Variants in AK5 observed in about 807,000 individuals in gnomAD.
AK5 encodes the protein adenylate kinase isoenzyme 5.
Under a neutral mutation model 69.5 loss-of-function variants are expected in AK5, and 27 were observed. The ratio of observed to expected loss-of-function variants is 0.39; its 90% confidence interval spans 0.29 to 0.54. AK5 has a LOEUF of 0.54. Among genes scored for constraint, AK5 ranks in the 20% least tolerant of loss-of-function variants. The pLI, the probability that AK5 is intolerant of heterozygous loss-of-function variation, is 0.71. For synonymous variants in AK5, 260 were observed against 244.4 expected (o/e 1.06, Z -0.60); for missense variants, 531 against 700.4 (o/e 0.76, Z 2.73).
At chr1:77,422,906 G>A (rs1302369030) in intron 8 of AK5, among the ~76,000 whole-genome samples, 3 of 152,038 alleles carry the variant, frequency 2.0e-5, no homozygotes, top group African/African-American at 7.2e-5. Flanking sequence ...AGAAAATGGT[G>A]GTGACAACCC....
At chr1:77,496,426 G>T (rs868831851) in intron 10 of AK5, among the ~76,000 whole-genome samples, 66 of 152,326 alleles carry the variant, frequency 4.3e-4, no homozygotes, top group African/African-American at 1.5e-3. Flanking sequence ...TCCAACTTCA[G>T]ATGGAGCACT....
At chr1:77,447,121 T>C (rs1486379795) in intron 8 of AK5, among the ~76,000 whole-genome samples, 1 of 152,262 alleles carries the variant, frequency 6.6e-6, no homozygotes, top group Non-Finnish European at 1.5e-5. Flanking sequence ...ATAAAAATAC[T>C]TGCCACAGTT....
intron 6 of AK5, among the ~76,000 whole-genome samples, chr1:77,387,810 T>C (rs1164157946): frequency 6.6e-6 from 1 of 152,224 alleles, no homozygotes; most frequent in African/African-American, 2.4e-5. Context: ...TAACAGGACT[T>C]GGTATCTGAT....
chr1:77,311,613 T>C (rs1659966241), intron 5 of AK5, among the ~76,000 whole-genome samples: 1 of 152,296 alleles, frequency 6.6e-6, no homozygotes, highest in East Asian at 1.9e-4. Context: ...ATATTAAAGA[T>C]AAACACTCCA....
At chr1:77,544,588 C>A (rs1294556156) in intron 13 of AK5, among the ~76,000 whole-genome samples, 1 of 151,086 alleles carries the variant, frequency 6.6e-6, no homozygotes, top group Admixed American at 6.6e-5. Context: ...GATGGAGACA[C>A]ACACATTCGC....
chr1:77,407,758 G>A (rs907911179), intron 6 of AK5, among the ~76,000 whole-genome samples: 10 of 152,208 alleles, frequency 6.6e-5, no homozygotes, highest in African/African-American at 2.4e-4. Flanking sequence ...CCAATAGATA[G>A]TTTTTCAAAC....
At chr1:77,445,314 G>A (rs1403945777) in intron 8 of AK5, among the ~76,000 whole-genome samples, 1 of 152,084 alleles carries the variant, frequency 6.6e-6, no homozygotes, top group Non-Finnish European at 1.5e-5. Context: ...TCTGATAGTA[G>A]CAATCCTAAC....
At chr1:77,529,796 A>T (rs145409026) in intron 12 of AK5, among the ~76,000 whole-genome samples, 215 of 152,348 alleles carry the variant, frequency 1.4e-3, no homozygotes, top group Non-Finnish European at 2.7e-3. Context: ...AAGTCATATT[A>T]ATGGAAGTCA....
At position 77,435,576 on chromosome 1, in the gene AK5, A is replaced by G. The variant is rs571058359; in HGVS notation, c.1059+17861A>G. On this transcript the variant is annotated intron_variant, in intron 8 of 13. Transcript: ENST00000354567. ...GGCAGGAGAATCGTTTGAACCCGGA[A>G]GGCAGAAGTTGCAGTGAGCCAAGAT... Among the ~76,000 whole-genome samples the G allele has an allele frequency of 4.6e-5, 7 of 151,750 alleles. No individual in the cohort carries two copies. In the South Asian group the frequency reaches 1.5e-3, roughly 32 times the overall value.
chr1:77,488,909 C>A (rs200608444), intron 10 of AK5, among the ~76,000 whole-genome samples: 1 of 152,200 alleles, frequency 6.6e-6, no homozygotes, highest in Admixed American at 6.5e-5. Context: ...CAAGTCCACT[C>A]AGTATTAACC....
intron 5 of AK5, among the ~76,000 whole-genome samples, chr1:77,305,529 G>A (rs1053477307): frequency 3.9e-5 from 6 of 152,026 alleles, no homozygotes; most frequent in African/African-American, 1.4e-4. Flanking sequence ...GAGAGATAAG[G>A]GTCTAGTTTT....
intron 6 of AK5, among the ~76,000 whole-genome samples, chr1:77,377,630 C>T (rs1340861194): frequency 2.0e-5 from 3 of 152,186 alleles, no homozygotes; most frequent in African/African-American, 7.2e-5. Context: ...TGCTTAAAAT[C>T]CTTTAGTGCT....
At chr1:77,497,212 C>G (rs1437707344) in intron 10 of AK5, among the ~76,000 whole-genome samples, 1 of 152,188 alleles carries the variant, frequency 6.6e-6, no homozygotes, top group Non-Finnish European at 1.5e-5. Context: ...CTGTAACGCT[C>G]ACTGCGAAGG....
chr1:77,371,530 C>T (rs1390996867), intron 6 of AK5: 2 of 152,166 alleles, frequency 1.3e-5, no homozygotes, highest in Non-Finnish European at 2.9e-5. Flanking sequence ...TGGCCACCCA[C>T]CCCACAGGCA....
At chr1:77,350,040 A>G (rs1662114941) in intron 6 of AK5, among the ~76,000 whole-genome samples, 1 of 152,244 alleles carries the variant, frequency 6.6e-6, no homozygotes, top group Non-Finnish European at 1.5e-5. Flanking sequence ...ATGCCTGATC[A>G]TGACATTTTC....
rs149809827 is a variant in AK5, at chr1:77,430,058, G to A, written c.1059+12343G>A. ...AGAGTGTGTTGACATAATTATATTT[G>A]TGTTTATTTTTTAAAACATTTTTCT... On this transcript the variant is annotated intron_variant, in intron 8 of 13. Transcript: ENST00000354567. Among the ~76,000 whole-genome samples, 142 of 151,720 alleles carry A rather than the reference G, an allele frequency of 9.4e-4. 1 individual carries two copies. The highest frequency in any genetic ancestry group is 3.3e-3 in the African/African-American group (138 of 41,354).
At chr1:77,371,258 A>C (rs1647116886) in intron 6 of AK5, 1 of 152,302 alleles carries the variant, frequency 6.6e-6, no homozygotes, top group African/African-American at 2.4e-5. Flanking sequence ...TTCCAAGGAT[A>C]TATTTATATG....
intron 6 of AK5, among the ~76,000 whole-genome samples, chr1:77,353,844 C>G (rs1662349171): frequency 6.6e-6 from 1 of 152,148 alleles, no homozygotes; most frequent in Non-Finnish European, 1.5e-5. Context: ...CACAGACACG[C>G]CACTGCTCTG....
chr1:77,284,151 G>C (rs6665543), intron 1 of AK5, among the ~76,000 whole-genome samples: 15,118 of 152,190 alleles, frequency 0.099, 920 homozygotes, highest in East Asian at 0.2. Flanking sequence ...AGATTCACTT[G>C]TGGACAATGA....
Sources: gnomAD v4.1 joint callset for allele counts (sites outside exome capture counted in the v4.1 genomes callset) on GRCh38, gnomAD v4.1.1 for gene constraint, MANE v1.5 for transcripts, NCBI Gene and HGNC (gene_info 2026-07-23, HGNC 2026-07-21) for gene names.